Variants in SLC45A4 observed in about 807,000 individuals in gnomAD.
The protein encoded by SLC45A4 is polyamine-transporter SLC45A4.
In SLC45A4, 32 loss-of-function variants were observed where a neutral mutation model predicts 63.7. That is an observed-to-expected ratio of 0.50 (90% CI 0.38 to 0.67). SLC45A4 has a LOEUF of 0.67. SLC45A4 is among the 30% of genes least tolerant of loss of function. SLC45A4 has a pLI of 0.00. For synonymous variants in SLC45A4, 535 were observed against 510.0 expected (o/e 1.05, Z -0.66); for missense variants, 1,027 against 1,157.7 (o/e 0.89, Z 1.64).
In SLC45A4 at chr8:141,211,648, G is replaced by A. The variant is rs561540896; in HGVS notation, c.2351C>T (p.Pro784Leu). Residue 784 changes from proline (P) to leucine (L), a missense_variant, in exon 9 of 9, where the codon CCG becomes CTG. Transcript: ENST00000517878. ...VCQISSHWLV[P>L]QLLESIFLYD... ...AAGAAAAATACTCTCCAACAGCTGCGGCACCAGCCAATGTGACGAGATCTG... is the reference window on the plus strand; with the variant it reads ...AAGAAAAATACTCTCCAACAGCTGCAGCACCAGCCAATGTGACGAGATCTG... 23 of 1,609,530 alleles carry A rather than the reference G, an allele frequency of 1.4e-5. No individual in the cohort carries two copies. In the East Asian group the frequency reaches 3.1e-4, roughly 22 times the overall value.
intron 1 of SLC45A4, among the ~76,000 whole-genome samples, chr8:141,305,245 C>T (rs1431611911): frequency 2.0e-5 from 3 of 152,136 alleles, no homozygotes; most frequent in Admixed American, 6.5e-5. Context: ...GTCTAGGAGC[C>T]GGTGGGGGAG....
chr8:141,233,130 A>G (rs757304940), intron 2 of SLC45A4, among the ~76,000 whole-genome samples: 1 of 152,154 alleles, frequency 6.6e-6, no homozygotes, highest in Non-Finnish European at 1.5e-5. Flanking sequence ...TTTTTTCACA[A>G]TGGATGTGTT....
chr8:141,282,160 T>C lies in SLC45A4; in HGVS notation c.-401+25936A>G, dbSNP rs572786516. ...GGCCCGGGTCTCAGGACGTCGAGGA[T>C]GGAAGGAGCATCCGAGCTGATCCTG... On this transcript the variant is annotated intron_variant, in intron 1 of 8. Coordinates refer to ENST00000517878, the MANE Select transcript of SLC45A4 (RefSeq NM_001286646.2). Among the ~76,000 whole-genome samples the C allele has an allele frequency of 5.3e-5, 8 of 152,228 alleles. No homozygotes were observed. In the South Asian group the frequency reaches 6.2e-4, roughly 12 times the overall value.
At chr8:141,240,402 G>T (rs889907222) in intron 2 of SLC45A4, among the ~76,000 whole-genome samples, 1 of 152,166 alleles carries the variant, frequency 6.6e-6, no homozygotes, top group Admixed American at 6.5e-5. Context: ...CAACAGGAGG[G>T]GAGACTGGAC....
intron 2 of SLC45A4, among the ~76,000 whole-genome samples, chr8:141,242,499 G>C (rs1827962315): frequency 6.6e-6 from 1 of 152,162 alleles, no homozygotes; most frequent in Non-Finnish European, 1.5e-5. Context: ...GTATCAGAAA[G>C]AACACCATAC....
chr8:141,220,340 G>T (rs1459566189), intron 3 of SLC45A4, among the ~76,000 whole-genome samples: 2 of 152,120 alleles, frequency 1.3e-5, no homozygotes, highest in Admixed American at 1.3e-4. Context: ...CAAACTTTAG[G>T]GGCTTTGCAC....
At chr8:141,252,097 C>A (rs1184587037) in intron 2 of SLC45A4, among the ~76,000 whole-genome samples, 1 of 150,846 alleles carries the variant, frequency 6.6e-6, no homozygotes, top group African/African-American at 2.4e-5. Context: ...CTTTACCATG[C>A]AATATGTTGA....
chr8:141,276,610 A>G (rs1401928420), intron 1 of SLC45A4, among the ~76,000 whole-genome samples: 4 of 151,880 alleles, frequency 2.6e-5, no homozygotes, highest in Non-Finnish European at 4.4e-5. Context: ...CCTCACTCGG[A>G]CTCTGCCCCA....
At chr8:141,221,420 A>AGGGGTGGTCACCGCC (rs1478545988) in intron 3 of SLC45A4, among the ~76,000 whole-genome samples, 157 bp downstream of exon 3, 7 of 152,252 alleles carry the variant, frequency 4.6e-5, no homozygotes, top group African/African-American at 1.7e-4. Flanking sequence ...CGGCGCTGCC[A>AGGGGTGGTCACCGCC]GGGGTGGTCA....
rs200402180 is a variant in SLC45A4 at position 141,220,288 on chromosome 8, G to A, written c.431-459C>T. On this transcript the variant is annotated intron_variant, in intron 3 of 8. Transcript: ENST00000517878. The stretch of plus-strand genomic sequence containing the variant: ...AGGCTTCGCGAGGCAGGCGCAGGGG[G>A]TCTCGCTGGGCCTGCTCTAGGTCTG... Among the ~76,000 whole-genome samples, 5 of 152,280 alleles carry A rather than the reference G, an allele frequency of 3.3e-5. No individual in the cohort carries two copies. The East Asian group carries it at 9.7e-4, about 29-fold the overall frequency.
chr8:141,289,344 C>A lies in SLC45A4; in HGVS notation c.-401+18752G>T, dbSNP rs183252426. 2.0e-5 allele frequency among the ~76,000 whole-genome samples: 3 copies of A among 152,304 alleles called. No individual in the cohort carries two copies. The East Asian group carries it at 5.8e-4, about 29-fold the overall frequency. On this transcript the variant is annotated intron_variant, in intron 1 of 8. Transcript: ENST00000517878. ...ACACTGATCAAAAACCTAAGTTCCA[C>A]GCCTTAGTTCCCCTTAACTCACTCA...
rs188819107 is a variant in SLC45A4, at chr8:141,300,492, C to T, written c.-401+7604G>A. ...TCAGGGATGCCAAGTGTCAACGCCC[C>T]GGACCAGCCTCATCTGGTTCTCGGG... On this transcript the variant is annotated intron_variant, in intron 1 of 8. Transcript: ENST00000517878. Among the ~76,000 whole-genome samples, 54 of 152,364 alleles carry T rather than the reference C, an allele frequency of 3.5e-4. No homozygotes were observed. In the East Asian group the frequency reaches 7.1e-3, roughly 20 times the overall value.
At chr8:141,268,092 G>A (rs927228946) in intron 1 of SLC45A4, among the ~76,000 whole-genome samples, 1 of 152,100 alleles carries the variant, frequency 6.6e-6, no homozygotes, top group African/African-American at 2.4e-5. Context: ...TGAATAAACC[G>A]TGGAACATCC....
intron 2 of SLC45A4, among the ~76,000 whole-genome samples, chr8:141,248,846 A>T (rs1828337586): frequency 6.6e-6 from 1 of 151,918 alleles, no homozygotes; most frequent in Non-Finnish European, 1.5e-5. Context: ...GTGAAACCCC[A>T]TCTCTACAAA....
intron 1 of SLC45A4, among the ~76,000 whole-genome samples, chr8:141,290,978 A>T (rs1052039540): frequency 5.5e-4 from 84 of 152,298 alleles, no homozygotes; most frequent in African/African-American, 2.0e-3. Context: ...CCTTCCAAGT[A>T]GCTGGGATTA....
Position 141,285,162 on chromosome 8 carries a change from C to T in SLC45A4, c.-401+22934G>A, listed in dbSNP as rs1054095161. Among the ~76,000 whole-genome samples, 4 of 152,206 alleles carry T rather than the reference C, an allele frequency of 2.6e-5. No homozygotes were observed. In the East Asian group the frequency reaches 5.8e-4, roughly 22 times the overall value. On this transcript the variant is annotated intron_variant, in intron 1 of 8. Transcript: ENST00000517878. ...GCACGGACTGAGGGCGGGTGAAACG[C>T]CAGCTCCTGCCTTCAGCACGTGGTC... is the stretch of plus-strand genomic sequence containing the variant.
chr8:141,307,844 G>T (rs1300468208), intron 1 of SLC45A4, among the ~76,000 whole-genome samples: 5 of 150,846 alleles, frequency 3.3e-5, no homozygotes, highest in African/African-American at 1.2e-4. Flanking sequence ...CTGCAGGGCT[G>T]GGGACCAGGG....
chr8:141,217,218 G>T, intron 5 of SLC45A4, 29 bp from the exon 6 acceptor site: 1 of 1,606,514 alleles, frequency 6.2e-7, no homozygotes, highest in South Asian at 1.1e-5. Flanking sequence ...GGGGGCTGAC[G>T]AGGGCATCTG....
intron 2 of SLC45A4, chr8:141,228,403 G>A (rs1468697161): frequency 2.1e-6 from 3 of 1,459,412 alleles, no homozygotes; most frequent in Non-Finnish European, 2.7e-6. Context: ...GCAGGACGCT[G>A]GCGCTCCAGA....
Sources: allele counts gnomAD v4.1 joint callset (sites outside exome capture counted in the v4.1 genomes callset), GRCh38; gene constraint gnomAD v4.1.1; transcripts MANE v1.5; gene names NCBI Gene and HGNC (gene_info 2026-07-23, HGNC 2026-07-21).